The following HIPK2 variants were observed in gnomAD, a reference collection of about 807,000 sequenced individuals.
The protein encoded by HIPK2 is homeodomain interacting protein kinase 2.
Under a neutral mutation model 113.7 loss-of-function variants are expected in HIPK2, and 27 were observed. That is an observed-to-expected ratio of 0.24 (90% CI 0.17 to 0.33). The LOEUF is 0.33. Among genes scored for constraint, HIPK2 ranks in the 10% least tolerant of loss-of-function variants. The pLI, the probability that HIPK2 is intolerant of heterozygous loss-of-function variation, is 1.00. For synonymous variants in HIPK2, 631 were observed against 642.2 expected, an observed-to-expected ratio of 0.98 and a Z score of 0.26; for missense variants, 1,257 against 1,588.0, an observed-to-expected ratio of 0.79 and a Z score of 3.54.
intron 1 of HIPK2, among the ~76,000 whole-genome samples, chr7:139,748,480 G>A (rs1796227604): frequency 6.6e-6 from 1 of 151,954 alleles, no homozygotes. Context: ...AGGCTGTGAG[G>A]GACGGTGTGT....
At chr7:139,604,798 A>G (rs1174374906) in intron 9 of HIPK2, among the ~76,000 whole-genome samples, 2 of 151,756 alleles carry the variant, frequency 1.3e-5, no homozygotes, top group African/African-American at 4.8e-5. Flanking sequence ...TGATTTCTTT[A>G]TAAATTTGCT....
chr7:139,711,743 CA>C lies in HIPK2; in HGVS notation c.1103+4188del, dbSNP rs138694487. On this transcript the variant is annotated intron_variant, in intron 2 of 14. Transcript: ENST00000406875. ...CCCCAGTACCAATTTATTGCTTGCT[CA>C]AAAAAAAAACAAAAAAACTAAAAAC... Among the ~76,000 whole-genome samples the C allele has an allele frequency of 3.2e-4, 46 of 142,476 alleles. 1 individual carries two copies. Among genetic ancestry groups the C allele is most frequent in the African/African-American group, 1.0e-3 (39 of 38,780 alleles). The allele number at this position is 142,476 out of a possible 152,430, so 93.5% of individuals were successfully genotyped here.
At chr7:139,760,004 TG>T (rs1796437596) in intron 1 of HIPK2, among the ~76,000 whole-genome samples, 1 of 151,820 alleles carries the variant, frequency 6.6e-6, no homozygotes, top group Non-Finnish European at 1.5e-5. Context: ...TCTACCTAGT[TG>T]TTTTTTTTTT....
Position 139,683,353 on chromosome 7 carries a change from G to C in HIPK2, c.1103+32579C>G, listed in dbSNP as rs906559627. Among the ~76,000 whole-genome samples the C allele has an allele frequency of 2.6e-5, 4 of 152,180 alleles. No individual in the cohort carries two copies. Among genetic ancestry groups the C allele is most frequent in the African/African-American group, 9.7e-5 (4 of 41,434 alleles). On this transcript the variant is annotated intron_variant, in intron 2 of 14. Transcript: ENST00000406875. The surrounding 1 kb of genome is among the most constrained non-coding windows in gnomAD (Gnocchi z 4.2). ...AGGCCAGTGCTTCAGCAGCGGCCTA[G>C]CCGGGTCTGGTGCAGGGTCCCTCAT...
chr7:139,638,624 T>C (rs1800892013), intron 2 of HIPK2, among the ~76,000 whole-genome samples: 1 of 151,926 alleles, frequency 6.6e-6, no homozygotes, highest in African/African-American at 2.4e-5. Context: ...CACTAAACAT[T>C]CTTGTTCTGG....
At chr7:139,749,473 GTCTC>G (rs140844154) in intron 1 of HIPK2, among the ~76,000 whole-genome samples, 6,679 of 152,250 alleles carry the variant, frequency 0.044, 465 homozygotes, top group African/African-American at 0.15. Context: ...AAGTGAATTT[GTCTC>G]TCTATGCCTC....
intron 12 of HIPK2, 103 bp from the exon 13 acceptor site, chr7:139,584,167 A>T: frequency 1.4e-6 from 2 of 1,470,488 alleles, no homozygotes; most frequent in Non-Finnish European, 1.8e-6. Context: ...CAGAGGGGAG[A>T]GGGCAGGAAC....
At chr7:139,667,156 G>C (rs974689767) in intron 2 of HIPK2, among the ~76,000 whole-genome samples, 1 of 151,592 alleles carries the variant, frequency 6.6e-6, no homozygotes, top group Non-Finnish European at 1.5e-5. Context: ...TGTAATCATA[G>C]TATCATATAA....
intron 2 of HIPK2, among the ~76,000 whole-genome samples, chr7:139,673,613 C>T (rs1250208551): frequency 6.6e-6 from 1 of 152,148 alleles, no homozygotes; most frequent in African/African-American, 2.4e-5. Flanking sequence ...AGGTGCTTAC[C>T]ATTATCATGT....
At chr7:139,654,972 G>A (rs1372468068) in intron 2 of HIPK2, among the ~76,000 whole-genome samples, 1 of 152,162 alleles carries the variant, frequency 6.6e-6, no homozygotes, top group Non-Finnish European at 1.5e-5. Flanking sequence ...CACAATCTAG[G>A]ATTCTATCAC....
Position 139,694,838 on chromosome 7 carries a change from T to C in HIPK2, c.1103+21094A>G, listed in dbSNP as rs989670295. 4.6e-5 allele frequency among the ~76,000 whole-genome samples: 7 copies of C among 152,142 alleles called. No homozygotes were observed. In the East Asian group the frequency reaches 9.6e-4, roughly 21 times the overall value. On this transcript the variant is annotated intron_variant, in intron 2 of 14. Coordinates refer to ENST00000406875, the MANE Select transcript of HIPK2 (RefSeq NM_022740.5). ...CCCCAGGACAGGTGACTGGCAACCATTTATGGGGCAAGGCAATGGCCTAAC... is the reference window on the plus strand; with the variant it reads ...CCCCAGGACAGGTGACTGGCAACCACTTATGGGGCAAGGCAATGGCCTAAC...
At chr7:139,723,004 T>C (rs544578511) in intron 1 of HIPK2, among the ~76,000 whole-genome samples, 8 of 152,118 alleles carry the variant, frequency 5.3e-5, no homozygotes, top group Admixed American at 3.9e-4. Flanking sequence ...GCTAGGACTA[T>C]AGGAGCATAA....
chr7:139,724,025 TAAAG>T (rs1795495652), intron 1 of HIPK2, among the ~76,000 whole-genome samples: 1 of 149,456 alleles, frequency 6.7e-6, no homozygotes, highest in South Asian at 2.1e-4. Flanking sequence ...TTTTTCATAA[TAAAG>T]AACTCAAAGG....
intron 12 of HIPK2, among the ~76,000 whole-genome samples, chr7:139,589,405 A>T (rs1259889865): frequency 3.6e-5 from 3 of 84,370 alleles, no homozygotes; most frequent in Admixed American, 9.7e-5. Flanking sequence ...ATGAGCATTT[A>T]AAAAAAAAAA....
intron 1 of HIPK2, among the ~76,000 whole-genome samples, chr7:139,776,171 G>A (rs1796739497): frequency 6.6e-6 from 1 of 152,136 alleles, no homozygotes; most frequent in Non-Finnish European, 1.5e-5. Context: ...CAGAAATTTC[G>A]TTTTGTTTTG....
At position 139,716,155 on chromosome 7, in the gene HIPK2, T is replaced by C; in HGVS notation, c.880A>G (p.Ser294Gly). Residue 294 changes from serine to glycine, a missense_variant, in exon 2 of 15, where the codon AGC (serine) becomes GGC (glycine). By Grantham distance (56) the Ser-to-Gly change is moderately conservative. Around this residue, in one of 5 missense-constraint regions of HIPK2, gnomAD observed 24 missense variants for 18.1 expected, o/e 1.33. Coordinates refer to ENST00000406875, the MANE Select transcript of HIPK2 (RefSeq NM_022740.5). The surrounding 1 kb of genome is among the most constrained non-coding windows in gnomAD (Gnocchi z 9.3). ...CGAATGTATTTGAGGGGCAAGGGGC[T>C]AAACTTGTTTTGCTTCAGAAAGTCA... Reference protein sequence around the residue: ...LYDFLKQNKFSPLPLKYIRPV... With the variant: ...LYDFLKQNKFGPLPLKYIRPV... 1 of 1,614,062 alleles carries C rather than the reference T, an allele frequency of 6.2e-7. No homozygotes were observed. Among genetic ancestry groups the C allele is most frequent in the South Asian group, 1.1e-5 (1 of 91,090 alleles).
chr7:139,607,293 G>A (rs6962706), intron 9 of HIPK2, among the ~76,000 whole-genome samples: 81 of 151,524 alleles, frequency 5.3e-4, no homozygotes, highest in African/African-American at 2.0e-3. Flanking sequence ...GAGAAACAGA[G>A]AAAATGGAGG....
At chr7:139,708,684 G>GT (rs1163231610) in intron 2 of HIPK2, among the ~76,000 whole-genome samples, 1 of 152,210 alleles carries the variant, frequency 6.6e-6, no homozygotes, top group African/African-American at 2.4e-5. Flanking sequence ...GGACACTGGG[G>GT]TATTTTCATG....
At chr7:139,659,207 C>A (rs2116535020) in intron 2 of HIPK2, among the ~76,000 whole-genome samples, 1 of 152,326 alleles carries the variant, frequency 6.6e-6, no homozygotes, top group Non-Finnish European at 1.5e-5. Flanking sequence ...ATTTCCCTCA[C>A]TGCCCTACTT....
Sources: allele counts gnomAD v4.1 joint callset (sites outside exome capture counted in the v4.1 genomes callset), GRCh38; gene constraint gnomAD v4.1.1; regional missense constraint gnomAD v4.1.1; non-coding constraint Gnocchi (gnomAD v3.1); transcripts MANE v1.5; gene names NCBI Gene and HGNC (gene_info 2026-07-23, HGNC 2026-07-21).